Variants in RC3H1 observed in about 807,000 individuals in gnomAD.
The protein encoded by RC3H1 is ring finger and CCCH-type domains 1.
RC3H1 carries 50 observed loss-of-function variants against 138.2 expected under a neutral mutation model. The ratio of observed to expected loss-of-function variants is 0.36; its 90% CI spans 0.29 to 0.46. RC3H1 has a LOEUF of 0.46. Among genes scored for constraint, RC3H1 ranks in the 20% least tolerant of loss-of-function variants. The pLI is 1.00. For missense variants in RC3H1, 1,031 were observed against 1,388.1 expected (o/e 0.74, Z 4.09); for synonymous variants, 462 against 489.1 (o/e 0.94, Z 0.73).
chr1:173,960,701 T>C (rs1444998455), intron 13 of RC3H1, among the ~76,000 whole-genome samples: 1 of 152,180 alleles, frequency 6.6e-6, no homozygotes, highest in Non-Finnish European at 1.5e-5. Flanking sequence ...TTGAGACTTA[T>C]TATAAAACTA....
chr1:173,936,765 T>A lies in RC3H1; in HGVS notation c.*1956A>T, dbSNP rs7535362. On this transcript the variant is annotated 3_prime_UTR_variant, in exon 20 of 20. Transcript: ENST00000367696. The stretch of plus-strand genomic sequence containing the variant: ...TATATATATATATATATATATATTT[T>A]TTTTTTTTTTTTTAAAAAAAGAAGA... The A allele has an allele frequency of 7.5e-3, 325 of 43,232 alleles. 1 individual carries two copies. The highest frequency in any genetic ancestry group is 0.032 in the South Asian group (29 of 908). 2.7% of individuals were successfully genotyped at this position (43,232 alleles called of 1,614,324 possible).
rs187370327 is a variant in RC3H1 at position 174,017,126 on chromosome 1, G to A, written c.-151+4970C>T. Among the ~76,000 whole-genome samples the A allele has an allele frequency of 3.2e-4, 48 of 152,270 alleles. 1 individual carries two copies. The highest frequency in any genetic ancestry group is 2.6e-4 in the African/African-American group (11 of 41,558). Reference sequence around the variant, plus strand: ...CAAAGAGCTTCAAATTCTAAAAATCGTTTCCCAGTGTAACTTCAAATAAAT... The same window carrying A: ...CAAAGAGCTTCAAATTCTAAAAATCATTTCCCAGTGTAACTTCAAATAAAT... On this transcript the variant is annotated intron_variant, in intron 1 of 19. Transcript: ENST00000367696.
chr1:174,017,783 C>CAAAAAAAAAAAAAAA lies in RC3H1; in HGVS notation c.-151+4298_-151+4312dup, dbSNP rs61239660. Among the ~76,000 whole-genome samples the CAAAAAAAAAAAAAAA allele has an allele frequency of 9.4e-4, 68 of 72,020 alleles. 12 individuals carry two copies. In the Middle Eastern group the frequency reaches 0.022, roughly 24 times the overall value. 47.2% of individuals were successfully genotyped at this position (72,020 alleles called of 152,430 possible). On this transcript the variant is annotated intron_variant, in intron 1 of 19. Transcript: ENST00000367696. ...ACCCCTTTAGAACTCTTTTCTTGCT[C>CAAAAAAAAAAAAAAA]AAAAAAAAAAAAAAAAAAAAAAAAA...
intron 13 of RC3H1, among the ~76,000 whole-genome samples, chr1:173,954,409 G>A (rs1054568619): frequency 2.0e-5 from 3 of 152,110 alleles, no homozygotes; most frequent in Non-Finnish European, 2.9e-5. Context: ...GTGGTTATGA[G>A]AGACTAGAAA....
intron 14 of RC3H1, among the ~76,000 whole-genome samples, chr1:173,951,761 C>A (rs536670878): frequency 6.6e-6 from 1 of 151,708 alleles, no homozygotes; most frequent in African/African-American, 2.4e-5. Flanking sequence ...GCTATTTGCA[C>A]AGAAATATAA....
chr1:174,006,788 T>C (rs1201883155), intron 1 of RC3H1, among the ~76,000 whole-genome samples: 1 of 152,198 alleles, frequency 6.6e-6, no homozygotes, highest in East Asian at 1.9e-4. Flanking sequence ...AAAGGATAAC[T>C]CTGTCTTGAA....
At chr1:173,942,428 C>CAAAAAAAAAAAAAAAAAAAAAAAAAAA (rs60694243) in intron 18 of RC3H1, among the ~76,000 whole-genome samples, 3 of 38,078 alleles carry the variant, frequency 7.9e-5, no homozygotes, top group African/African-American at 4.3e-4. Flanking sequence ...GACTCAGTCT[C>CAAAAAAAAAAAAAAAAAAAAAAAAAAA]AAAAAAAAAA....
chr1:173,958,343 G>A (rs1659730120), intron 13 of RC3H1, among the ~76,000 whole-genome samples: 1 of 152,144 alleles, frequency 6.6e-6, no homozygotes, highest in Non-Finnish European at 1.5e-5. Context: ...AGGAGTTTGA[G>A]ACCAGCCTGG....
intron 2 of RC3H1, 54 bp downstream of exon 2, chr1:173,992,701 G>A (rs12754931): frequency 1.0e-5 from 4 of 400,090 alleles, no homozygotes; most frequent in African/African-American, 8.1e-5. Context: ...CACACACACA[G>A]AGAGAGAGAG....
intron 19 of RC3H1, among the ~76,000 whole-genome samples, chr1:173,939,211 T>G (rs1053203940): frequency 1.3e-5 from 2 of 152,142 alleles, no homozygotes; most frequent in African/African-American, 4.8e-5. Context: ...CTACCTGGCC[T>G]TTAAGAAGAG....
intron 2 of RC3H1, among the ~76,000 whole-genome samples, chr1:173,988,825 T>C (rs1467112150): frequency 6.6e-6 from 1 of 152,238 alleles, no homozygotes; most frequent in Non-Finnish European, 1.5e-5. Context: ...ATTTTGCCAA[T>C]TTTCCAACTG....
chr1:174,012,392 A>T (rs1340203722), intron 1 of RC3H1, among the ~76,000 whole-genome samples: 2 of 152,194 alleles, frequency 1.3e-5, no homozygotes, highest in Middle Eastern at 3.2e-3. Flanking sequence ...CTATAGATTT[A>T]ACTTATAAAG....
chr1:173,964,763 C>T (rs80142373), intron 10 of RC3H1, 76 bp downstream of exon 10: 88,604 of 1,278,812 alleles, frequency 0.069, 4,682 homozygotes, highest in East Asian at 0.28. Flanking sequence ...TTTTAAATCC[C>T]AAACATTAAT....
chr1:173,939,181 C>A (rs1658724207), intron 19 of RC3H1, among the ~76,000 whole-genome samples: 1 of 152,026 alleles, frequency 6.6e-6, no homozygotes, highest in Admixed American at 6.6e-5. Context: ...AACTGTAAGG[C>A]CCGTATCTTA....
chr1:173,935,287 C>T lies in RC3H1; in HGVS notation c.*3434G>A, dbSNP rs1358601488. 1 of 152,070 alleles carries T rather than the reference C, an allele frequency of 6.6e-6. No homozygotes were observed. Among genetic ancestry groups the T allele is most frequent in the Non-Finnish European group, 1.5e-5 (1 of 67,998 alleles). The allele number at this position is 152,070 out of a possible 1,614,324, so 9.4% of individuals were successfully genotyped here. On this transcript the variant is annotated 3_prime_UTR_variant, in exon 20 of 20. Transcript: ENST00000367696. ...TAAACCAGAAATGGAATCTAGATGT[C>T]TTATTCTCAGTTCTTCTACCCTTTC...
At chr1:173,950,529 C>T (rs1005214978) in intron 14 of RC3H1, among the ~76,000 whole-genome samples, 1 of 147,834 alleles carries the variant, frequency 6.8e-6, no homozygotes, top group East Asian at 2.0e-4. Context: ...TGTGAGGCTG[C>T]AGTGAGCTGT....
In RC3H1 at chr1:173,970,515, C is replaced by T; in HGVS notation, c.1324G>A (p.Glu442Lys). 1 of 1,610,798 alleles carries T rather than the reference C, an allele frequency of 6.2e-7. No individual in the cohort carries two copies. The highest frequency in any genetic ancestry group is 8.5e-7 in the Non-Finnish European group (1 of 1,177,174). ...GACTTTCACACTTACTTTTCCAGTT[C>T]CTCCTGTGAGTGTGCAAATGTACAG... The part of the protein sequence containing the change: ...ASCTFAHSQE[E>K]LEKFRKMNKR... Residue 442 changes from glutamate to lysine, a missense_variant, in exon 9 of 20, where the codon GAA becomes AAA. Physicochemically the swap from Glu to Lys is moderately conservative, Grantham distance 56. This residue lies in a region of RC3H1 where 142 missense variants were observed against 224.6 expected (regional missense o/e 0.63). Coordinates refer to ENST00000367696, the MANE Select transcript of RC3H1 (RefSeq NM_172071.4).
At position 173,933,140 on chromosome 1, in the gene RC3H1, G is replaced by C. The variant is rs112709783; in HGVS notation, c.*5581C>G. On this transcript the variant is annotated 3_prime_UTR_variant, in exon 20 of 20. Coordinates refer to ENST00000367696, the MANE Select transcript of RC3H1 (RefSeq NM_172071.4). ...ATTTTTGGACACGATATTATGTTGA[G>C]GTTTAAGTTCTTCCCCCTTATTGTG... 1.5e-4 allele frequency: 23 copies of C among 152,136 alleles called. No individual in the cohort carries two copies. The highest frequency in any genetic ancestry group is 4.8e-4 in the African/African-American group (20 of 41,528). The allele number at this position is 152,136 out of a possible 1,614,324, so 9.4% of individuals were successfully genotyped here.
chr1:173,958,468 C>A (rs1228311531), intron 13 of RC3H1, among the ~76,000 whole-genome samples: 1 of 151,978 alleles, frequency 6.6e-6, no homozygotes, highest in Non-Finnish European at 1.5e-5. Flanking sequence ...ATCGCTTGAA[C>A]CCAGAAGGCA....
Sources: gnomAD v4.1 joint callset for allele counts (sites outside exome capture counted in the v4.1 genomes callset) on GRCh38, gnomAD v4.1.1 for gene constraint, gnomAD v4.1.1 regional missense constraint, MANE v1.5 for transcripts, NCBI Gene and HGNC (gene_info 2026-07-23, HGNC 2026-07-21) for gene names.